TTC28: variants seen among roughly 807,000 people sequenced by gnomAD.
TTC28 encodes tetratricopeptide repeat protein 28.
TTC28 carries 61 observed loss-of-function variants against 198.0 expected under a neutral mutation model. The observed-to-expected ratio is 0.31, with a 90% CI of 0.25 to 0.38. The LOEUF (loss-of-function observed/expected upper bound fraction) is 0.38. Among genes scored for constraint, TTC28 ranks in the 10% least tolerant of loss-of-function variants. The pLI is 1.00. For synonymous variants in TTC28, 1,171 were observed against 1,297.8 expected (o/e 0.90, Z 2.10); for missense variants, 2,678 against 3,164.0 (o/e 0.85, Z 3.69).
intron 2 of TTC28, among the ~76,000 whole-genome samples, chr22:28,366,768 A>G (rs2046254462): frequency 6.6e-6 from 1 of 152,084 alleles, no homozygotes; most frequent in African/African-American, 2.4e-5. Context: ...GCGAACATAA[A>G]AAAGACCAGG....
At chr22:28,384,232 A>C (rs2046539543) in intron 2 of TTC28, among the ~76,000 whole-genome samples, 1 of 151,652 alleles carries the variant, frequency 6.6e-6, no homozygotes. Flanking sequence ...TTTTTTAAAC[A>C]TTTGTTTTTT....
chr22:28,258,226 C>T (rs1220696721), intron 5 of TTC28, among the ~76,000 whole-genome samples: 1 of 152,120 alleles, frequency 6.6e-6, no homozygotes, highest in African/African-American at 2.4e-5. Flanking sequence ...ACAGGTCACA[C>T]AATGGAATTT....
chr22:27,991,772 G>C (rs553891954), intron 19 of TTC28, among the ~76,000 whole-genome samples: 1 of 152,344 alleles, frequency 6.6e-6, no homozygotes, highest in Non-Finnish European at 1.5e-5. Context: ...CAGTGGTGCA[G>C]CATGGGTACT....
intron 2 of TTC28, among the ~76,000 whole-genome samples, chr22:28,327,798 C>G (rs932674641): frequency 6.6e-6 from 1 of 152,182 alleles, no homozygotes; most frequent in Non-Finnish European, 1.5e-5. Flanking sequence ...AGAGTGGATA[C>G]CTGCATCTAT....
chr22:28,553,040 C>T (rs374971095), intron 2 of TTC28, among the ~76,000 whole-genome samples: 1 of 152,136 alleles, frequency 6.6e-6, no homozygotes, highest in African/African-American at 2.4e-5. Context: ...CCGCCAGCCT[C>T]GGCCTCCCGA....
intron 5 of TTC28, among the ~76,000 whole-genome samples, chr22:28,291,209 A>C (rs1020944190): frequency 2.0e-5 from 3 of 151,000 alleles, no homozygotes; most frequent in Non-Finnish European, 1.5e-5. Context: ...CCTAGACATT[A>C]AAAAAAAAGA....
chr22:27,991,933 G>A (rs1375280874), intron 19 of TTC28, among the ~76,000 whole-genome samples: 1 of 152,238 alleles, frequency 6.6e-6, no homozygotes, highest in East Asian at 1.9e-4. Context: ...TCACTGCTTT[G>A]CCTTGGTGAC....
At chr22:28,505,228 G>A (rs1364875643) in intron 2 of TTC28, among the ~76,000 whole-genome samples, 5 of 133,428 alleles carry the variant, frequency 3.7e-5, no homozygotes, top group African/African-American at 1.5e-4. Context: ...CTGCACTCCA[G>A]CCTGGGCAAC....
chr22:28,439,733 G>A (rs890760476), intron 2 of TTC28, among the ~76,000 whole-genome samples: 5 of 152,260 alleles, frequency 3.3e-5, no homozygotes, highest in Non-Finnish European at 5.9e-5. Flanking sequence ...TTATTTGTAT[G>A]ATATTAAATG....
intron 5 of TTC28, among the ~76,000 whole-genome samples, chr22:28,258,902 AGTGTGTGTGT>A (rs34572491): frequency 1.7e-4 from 25 of 147,826 alleles, no homozygotes; most frequent in African/African-American, 5.7e-4. Flanking sequence ...TTGGTTAAAG[AGTGTGTGTGT>A]GTGTGTGTGT....
chr22:28,341,494 A>T (rs567828588), intron 2 of TTC28, among the ~76,000 whole-genome samples: 1 of 152,312 alleles, frequency 6.6e-6, no homozygotes, highest in African/African-American at 2.4e-5. Flanking sequence ...TTAACAAAAA[A>T]TAAAAATAAA....
chr22:28,563,597 A>G (rs984754652), intron 2 of TTC28, among the ~76,000 whole-genome samples: 6 of 152,202 alleles, frequency 3.9e-5, no homozygotes, highest in Non-Finnish European at 8.8e-5. Flanking sequence ...CAAAACCACA[A>G]TAAGGTACCA....
At chr22:28,674,761 G>C (rs1346863318) in intron 1 of TTC28, among the ~76,000 whole-genome samples, 11 of 147,920 alleles carry the variant, frequency 7.4e-5, no homozygotes, top group Non-Finnish European at 1.6e-4. Flanking sequence ...AGAGGTTACA[G>C]TGAGCCAAGA....
intron 12 of TTC28, among the ~76,000 whole-genome samples, chr22:28,076,424 T>C (rs2146791582): frequency 6.6e-6 from 1 of 152,298 alleles, no homozygotes; most frequent in Middle Eastern, 3.4e-3. Flanking sequence ...GGTTTTGTAA[T>C]TCATTTGCTT....
intron 2 of TTC28, among the ~76,000 whole-genome samples, chr22:28,514,881 G>A (rs1041995080): frequency 1.5e-4 from 23 of 152,108 alleles, no homozygotes; most frequent in African/African-American, 5.6e-4. Flanking sequence ...GGTTATTAAT[G>A]TTTCATCCCA....
At chr22:28,381,576 C>T (rs975305158) in intron 2 of TTC28, among the ~76,000 whole-genome samples, 1 of 152,078 alleles carries the variant, frequency 6.6e-6, no homozygotes, top group African/African-American at 2.4e-5. Context: ...GAGAATGATT[C>T]ATCATGTAAA....
chr22:28,352,296 T>C (rs1309910098), intron 2 of TTC28, among the ~76,000 whole-genome samples: 3 of 118,172 alleles, frequency 2.5e-5, no homozygotes, highest in Non-Finnish European at 5.2e-5. Flanking sequence ...AAGAACCTAT[T>C]AGACAGAGAT....
At chr22:28,131,364 C>A (rs1413857774) in intron 6 of TTC28, among the ~76,000 whole-genome samples, 1 of 152,038 alleles carries the variant, frequency 6.6e-6, no homozygotes, top group Non-Finnish European at 1.5e-5. Flanking sequence ...TATTTTAAAT[C>A]AAAATGGTCA....
chr22:28,185,463 C>T (rs529176345), intron 5 of TTC28, among the ~76,000 whole-genome samples: 1 of 152,138 alleles, frequency 6.6e-6, no homozygotes, highest in Non-Finnish European at 1.5e-5. Flanking sequence ...AAAATTAATA[C>T]AACACAAATT....
Sources: gnomAD v4.1 joint callset for allele counts (sites outside exome capture counted in the v4.1 genomes callset) on GRCh38, gnomAD v4.1.1 for gene constraint, MANE v1.5 for transcripts, NCBI Gene and HGNC (gene_info 2026-07-23, HGNC 2026-07-21) for gene names.